ALDH1A2: variants seen among roughly 807,000 people sequenced by gnomAD.
The protein encoded by ALDH1A2 is aldehyde dehydrogenase 1 family member A2, also known as retinal dehydrogenase 2.
Under a neutral mutation model 60.3 loss-of-function variants are expected in ALDH1A2, and 27 were observed. The observed-to-expected ratio is 0.45, with a 90% CI of 0.33 to 0.62. ALDH1A2 has a LOEUF of 0.62. ALDH1A2 is among the 20% of genes least tolerant of loss of function. The pLI is 0.02. For missense variants in ALDH1A2, 581 were observed against 643.8 expected, an observed-to-expected ratio of 0.90 and a Z score of 1.06; for synonymous variants, 289 against 232.4, an observed-to-expected ratio of 1.24 and a Z score of -2.21.
chr15:58,054,361 G>C (rs1896845587), intron 1 of ALDH1A2, among the ~76,000 whole-genome samples: 1 of 152,178 alleles, frequency 6.6e-6, no homozygotes, highest in South Asian at 2.1e-4. Context: ...CCTTTCAGCA[G>C]TTTCTTTAGA....
rs1491344419 is a variant in ALDH1A2 at position 58,061,611 on chromosome 15, A to AC, written c.117+3922_117+3923insG. On this transcript the variant is annotated intron_variant, in intron 1 of 12. Coordinates refer to ENST00000249750, the MANE Select transcript of ALDH1A2 (RefSeq NM_003888.4). Reference sequence around the variant, plus strand: ...TCCTTCCCTCAAAAAAAAAAAAAACAAAAAAAAAAAAAAAACGGAACAAAA... The same window carrying AC: ...TCCTTCCCTCAAAAAAAAAAAAAACACAAAAAAAAAAAAAAACGGAACAAAA... Among the ~76,000 whole-genome samples, 197 of 114,918 alleles carry AC rather than the reference A, an allele frequency of 1.7e-3. 1 individual carries two copies. The highest frequency in any genetic ancestry group is 0.01 in the Admixed American group (120 of 11,846). The allele number at this position is 114,918 out of a possible 152,430, so 75.4% of individuals were successfully genotyped here. A position where few individuals can be genotyped will look rare whatever the true frequency, so the allele number is the denominator to read the frequency against.
At chr15:57,973,197 C>T (rs983728027) in intron 7 of ALDH1A2, among the ~76,000 whole-genome samples, 1 of 152,100 alleles carries the variant, frequency 6.6e-6, no homozygotes, top group Non-Finnish European at 1.5e-5. Flanking sequence ...TATTGTTTTC[C>T]TGTACTTTAT....
At chr15:58,031,056 C>G (rs1239565523) in intron 1 of ALDH1A2, among the ~76,000 whole-genome samples, 1 of 152,080 alleles carries the variant, frequency 6.6e-6, no homozygotes, top group East Asian at 1.9e-4. Flanking sequence ...CAAAAAAGAG[C>G]CCGCAAAGCC....
At chr15:58,064,854 G>C (rs1349187285) in intron 1 of ALDH1A2, among the ~76,000 whole-genome samples, 1 of 145,394 alleles carries the variant, frequency 6.9e-6, no homozygotes, top group African/African-American at 2.8e-5. Context: ...GTCAACGTTC[G>C]TTATAAAAAA....
intron 4 of ALDH1A2, among the ~76,000 whole-genome samples, chr15:58,009,440 T>C (rs182877251): frequency 6.9e-4 from 105 of 152,084 alleles, no homozygotes; most frequent in African/African-American, 2.4e-3. Context: ...AAATCAGTAC[T>C]GCTCAGCCTG....
intron 12 of ALDH1A2, among the ~76,000 whole-genome samples, chr15:57,956,476 G>A (rs1034545188): frequency 6.6e-6 from 1 of 152,182 alleles, no homozygotes; most frequent in African/African-American, 2.4e-5. Context: ...TAAGGCTCCA[G>A]GGGCTTTGCC....
chr15:58,023,488 G>C (rs1260400166), intron 1 of ALDH1A2, among the ~76,000 whole-genome samples: 1 of 152,066 alleles, frequency 6.6e-6, no homozygotes, highest in Non-Finnish European at 1.5e-5. Context: ...TTTCTACATA[G>C]CATATTGTTA....
chr15:58,026,701 A>C (rs1313322117), intron 1 of ALDH1A2, among the ~76,000 whole-genome samples: 1 of 152,200 alleles, frequency 6.6e-6, no homozygotes, highest in Admixed American at 6.5e-5. Context: ...AGCAAGCAGC[A>C]GACCAACGTA....
At chr15:57,956,206 A>G (rs1893520604) in intron 12 of ALDH1A2, among the ~76,000 whole-genome samples, 1 of 152,204 alleles carries the variant, frequency 6.6e-6, no homozygotes, top group African/African-American at 2.4e-5. Context: ...GGAAGGAAGG[A>G]AAGTAGAGAG....
intron 1 of ALDH1A2, among the ~76,000 whole-genome samples, chr15:58,039,108 C>T (rs1406475093): frequency 1.3e-5 from 2 of 151,924 alleles, no homozygotes; most frequent in Admixed American, 6.6e-5. Flanking sequence ...TCCAGCACCA[C>T]AGACTCCAAT....
intron 1 of ALDH1A2, among the ~76,000 whole-genome samples, chr15:58,026,818 G>C (rs1017589366): frequency 6.6e-6 from 1 of 152,224 alleles, no homozygotes; most frequent in Non-Finnish European, 1.5e-5. Flanking sequence ...GTCGGAGGAG[G>C]GGTGTCTGCC....
chr15:57,967,327 T>C (rs148887012), intron 7 of ALDH1A2, among the ~76,000 whole-genome samples: 54 of 152,318 alleles, frequency 3.5e-4, no homozygotes, highest in African/African-American at 1.3e-3. Context: ...GTGTACCATA[T>C]ATGACACTTA....
At chr15:58,004,869 TG>T (rs1156879255) in intron 4 of ALDH1A2, among the ~76,000 whole-genome samples, 2 of 150,704 alleles carry the variant, frequency 1.3e-5, no homozygotes, top group South Asian at 2.1e-4. Flanking sequence ...AAAATACTAA[TG>T]AAAAAAATCA....
At chr15:58,010,888 T>A in intron 3 of ALDH1A2, 110 bp from the exon 4 acceptor site, 1 of 1,349,284 alleles carries the variant, frequency 7.4e-7, no homozygotes, top group South Asian at 1.2e-5. Context: ...GCATATGGAG[T>A]TGCATACCTG....
At position 57,954,767 on chromosome 15, in the gene ALDH1A2, A is replaced by G. The variant is rs34296345; in HGVS notation, c.*430T>C. 1,134 of 216,124 alleles carry G rather than the reference A, an allele frequency of 5.2e-3. 5 individuals carry two copies. Among genetic ancestry groups the G allele is most frequent in the Non-Finnish European group, 8.0e-3 (840 of 105,270 alleles). The allele number at this position is 216,124 out of a possible 1,614,324, so 13.4% of individuals were successfully genotyped here. A position where few individuals can be genotyped will look rare whatever the true frequency, so the allele number is the denominator to read the frequency against. ...CTGCCCCAGAATGAGCTCAGCTGAC[A>G]TCTCCTTGGAAGAGAGGGAGGGGTG... On this transcript the variant is annotated 3_prime_UTR_variant, in exon 13 of 13. Transcript: ENST00000249750.
rs563731057 is a variant in ALDH1A2, at chr15:58,056,040, G to A, written c.117+9494C>T. 3.9e-5 allele frequency among the ~76,000 whole-genome samples: 6 copies of A among 152,176 alleles called. No homozygotes were observed. In the East Asian group the frequency reaches 5.8e-4, roughly 15 times the overall value. ...GTTGTATGTGTGTGAGAGACACAGCGCGAGCGCACATGAGCAAGAGTACAA... is the reference window on the plus strand; with the variant it reads ...GTTGTATGTGTGTGAGAGACACAGCACGAGCGCACATGAGCAAGAGTACAA... On this transcript the variant is annotated intron_variant, in intron 1 of 12. Coordinates refer to ENST00000249750, the MANE Select transcript of ALDH1A2 (RefSeq NM_003888.4).
chr15:58,020,414 C>T (rs752912189), intron 1 of ALDH1A2, among the ~76,000 whole-genome samples: 16 of 152,002 alleles, frequency 1.1e-4, no homozygotes, highest in Admixed American at 3.9e-4. Flanking sequence ...AATACAGTAC[C>T]TCCCACACCA....
At chr15:58,000,810 T>C (rs1895240104) in intron 4 of ALDH1A2, among the ~76,000 whole-genome samples, 1 of 151,800 alleles carries the variant, frequency 6.6e-6, no homozygotes, top group Non-Finnish European at 1.5e-5. Context: ...TTCTACATGC[T>C]CTCAGCTGAG....
chr15:58,009,792 T>C (rs900459472), intron 4 of ALDH1A2, among the ~76,000 whole-genome samples: 2 of 152,038 alleles, frequency 1.3e-5, no homozygotes, highest in African/African-American at 2.4e-5. Flanking sequence ...GAAAACTAAT[T>C]TTACTTCGCC....
Sources: allele counts gnomAD v4.1 joint callset (sites outside exome capture counted in the v4.1 genomes callset), GRCh38; gene constraint gnomAD v4.1.1; transcripts MANE v1.5; gene names NCBI Gene and HGNC (gene_info 2026-07-23, HGNC 2026-07-21).